Variants in PCDHGA7 observed in about 807,000 individuals in gnomAD.
The protein encoded by PCDHGA7 is protocadherin gamma subfamily A, 7.
PCDHGA7 carries 44 observed loss-of-function variants against 58.3 expected under a neutral mutation model. The observed-to-expected ratio is 0.75, with a 90% CI of 0.59 to 0.97. The LOEUF (loss-of-function observed/expected upper bound fraction) is 0.97, where lower values mean the gene tolerates loss of function less well. Ranked by LOEUF, PCDHGA7 falls within the 50% of genes least tolerant of loss-of-function variation. The pLI is 0.00. For synonymous variants in PCDHGA7, 516 were observed against 504.2 expected, an observed-to-expected ratio of 1.02 and a Z score of -0.31; for missense variants, 1,266 against 1,188.7, an observed-to-expected ratio of 1.06 and a Z score of -0.96.
At chr5:141,402,945 A>T (rs2094324619) in intron 1 of PCDHGA7, 2 of 1,593,720 alleles carry the variant, frequency 1.3e-6, no homozygotes, top group Admixed American at 3.6e-5. Flanking sequence ...TTCCAAAGCG[A>T]GGCAGCAATG....
chr5:141,400,345 A>C lies in PCDHGA7; in HGVS notation c.2424+15022A>C, dbSNP rs757500171. On this transcript the variant is annotated intron_variant, in intron 1 of 3. Transcript: ENST00000518325. ...TGGACCTGTGGTTCCCCCCAACTACAGTCAGGGGACTTTGCCTTATTCCTA... is the reference window on the plus strand; with the variant it reads ...TGGACCTGTGGTTCCCCCCAACTACCGTCAGGGGACTTTGCCTTATTCCTA... 1.9e-6 allele frequency: 3 copies of C among 1,614,040 alleles called. No homozygotes were observed. In the South Asian group the frequency reaches 3.3e-5, roughly 18 times the overall value.
In PCDHGA7 at chr5:141,414,656, C is replaced by A. The variant is rs1409573217; in HGVS notation, c.2424+29333C>A. The A allele has an allele frequency of 1.2e-5, 20 of 1,614,008 alleles. No individual in the cohort carries two copies. Among genetic ancestry groups the A allele is most frequent in the Non-Finnish European group, 1.7e-5 (20 of 1,179,888 alleles). On this transcript the variant is annotated intron_variant, in intron 1 of 3. Transcript: ENST00000518325. ...AAAGAGAATGCCCAGATTATTTACTCCCTGGCTGAAGACACCATCCAGGGG... is the reference window on the plus strand; with the variant it reads ...AAAGAGAATGCCCAGATTATTTACTACCTGGCTGAAGACACCATCCAGGGG...
At chr5:141,471,708 T>G (rs1359785951) in intron 1 of PCDHGA7, among the ~76,000 whole-genome samples, 1 of 152,138 alleles carries the variant, frequency 6.6e-6, no homozygotes, top group Non-Finnish European at 1.5e-5. Context: ...GGAATAGAAG[T>G]GCCACTTACC....
intron 1 of PCDHGA7, among the ~76,000 whole-genome samples, chr5:141,407,809 T>C (rs2094984510): frequency 6.6e-6 from 1 of 152,228 alleles, no homozygotes; most frequent in South Asian, 2.1e-4. Flanking sequence ...TAGAAATATC[T>C]ACTATAATAT....
chr5:141,455,580 T>G (rs572453788), intron 1 of PCDHGA7, among the ~76,000 whole-genome samples: 26 of 152,142 alleles, frequency 1.7e-4, no homozygotes, highest in Middle Eastern at 3.2e-3. Context: ...ACCCCAGCCT[T>G]TTAATATGCA....
intron 1 of PCDHGA7, chr5:141,389,309 T>A (rs763262842): frequency 1.4e-5 from 23 of 1,613,900 alleles, no homozygotes; most frequent in Non-Finnish European, 1.9e-5. Flanking sequence ...TCAGGGCTTC[T>A]GATCCGGACT....
chr5:141,394,850 G>C, intron 1 of PCDHGA7: 1 of 1,613,820 alleles, frequency 6.2e-7, no homozygotes, highest in Non-Finnish European at 8.5e-7. Flanking sequence ...GCAGTCTGAA[G>C]CCTTCGGTCG....
At chr5:141,478,247 G>C (rs1377698933) in intron 1 of PCDHGA7, 1 of 1,613,956 alleles carries the variant, frequency 6.2e-7, no homozygotes, top group Non-Finnish European at 8.5e-7. Context: ...CACAGTGTTC[G>C]GAGTAATCAT....
At chr5:141,397,978 C>G in intron 1 of PCDHGA7, 1 of 1,261,722 alleles carries the variant, frequency 7.9e-7, no homozygotes, top group Non-Finnish European at 1.1e-6. Flanking sequence ...CAGCGCCGGC[C>G]TTTACACCGC....
In PCDHGA7 at chr5:141,410,525, T is replaced by G. The variant is rs6891442; in HGVS notation, c.2424+25202T>G. The G allele has an allele frequency of 1.9e-3, 3,112 of 1,613,920 alleles. 62 individuals are homozygous for G. In the African/African-American group the frequency reaches 0.034, roughly 18 times the overall value. On this transcript the variant is annotated intron_variant, in intron 1 of 3. Transcript: ENST00000518325. ...CCTAAAATGCAGTGTGCCCCTACAT[T>G]CCAATGAAGACATGGTTTGCAGTGT...
chr5:141,444,947 C>G (rs2098452252), intron 1 of PCDHGA7, among the ~76,000 whole-genome samples: 1 of 152,054 alleles, frequency 6.6e-6, no homozygotes, highest in Non-Finnish European at 1.5e-5. Context: ...GGAGGAGGAT[C>G]ATCTTAACAA....
Position 141,418,518 on chromosome 5 carries a change from C to G in PCDHGA7, c.2424+33195C>G. Reference sequence around the variant, plus strand: ...CTGACCGCCTTAGATGGTGGGGACCCTCCCCGAAGCGGTACTGCTCAGATA... The same window carrying G: ...CTGACCGCCTTAGATGGTGGGGACCGTCCCCGAAGCGGTACTGCTCAGATA... On this transcript the variant is annotated intron_variant, in intron 1 of 3. Coordinates refer to ENST00000518325, the MANE Select transcript of PCDHGA7 (RefSeq NM_018920.4). The G allele has an allele frequency of 2.5e-6, 4 of 1,613,986 alleles. 1 individual carries two copies.
chr5:141,461,480 G>A (rs1478939044), intron 1 of PCDHGA7, among the ~76,000 whole-genome samples: 1 of 151,970 alleles, frequency 6.6e-6, no homozygotes, highest in Non-Finnish European at 1.5e-5. Context: ...ACTTTTTAAT[G>A]GGATTGTGTT....
intron 1 of PCDHGA7, chr5:141,413,669 A>C: frequency 6.2e-7 from 1 of 1,613,844 alleles, no homozygotes; most frequent in South Asian, 1.1e-5. Flanking sequence ...ATTGATCCGG[A>C]TGTGGGCGTG....
rs1780458671 is a variant in PCDHGA7 at position 141,384,757 on chromosome 5, G to C, written c.1858G>C (p.Gly620Arg). ...KASEPGLFAV[G>R]LYTGEVRTAR... Reference sequence around the variant, plus strand: ...CAGCGAGCCAGGACTCTTTGCGGTTGGGCTGTACACGGGCGAGGTGCGCAC... The same window carrying C: ...CAGCGAGCCAGGACTCTTTGCGGTTCGGCTGTACACGGGCGAGGTGCGCAC... Residue 620 changes from glycine to arginine, a missense_variant, in exon 1 of 4, where the codon GGG becomes CGG. Transcript: ENST00000518325. 7 of 1,613,872 alleles carry C rather than the reference G, an allele frequency of 4.3e-6. No individual in the cohort carries two copies. The East Asian group carries it at 1.6e-4, about 36-fold the overall frequency.
At chr5:141,467,672 A>T (rs1410623274) in intron 1 of PCDHGA7, among the ~76,000 whole-genome samples, 2 of 151,636 alleles carry the variant, frequency 1.3e-5, no homozygotes, top group Non-Finnish European at 2.9e-5. Context: ...GAAGATTTTT[A>T]TTTTTTTTAG....
At chr5:141,500,295 G>A (rs911106966) in intron 2 of PCDHGA7, among the ~76,000 whole-genome samples, 2 of 151,282 alleles carry the variant, frequency 1.3e-5, no homozygotes, top group African/African-American at 4.9e-5. Flanking sequence ...TGCAAGCTCC[G>A]CCTCCCAGGT....
rs534187376 is a variant in PCDHGA7 at position 141,512,974 on chromosome 5, A to G, written c.*1801A>G. ...AAAATAATAAAACGTTTCTTCTGAA[A>G]AGCTGAACGTTTCTGTATAAGCGAT... is the stretch of plus-strand genomic sequence containing the variant. On this transcript the variant is annotated 3_prime_UTR_variant, in exon 4 of 4. Transcript: ENST00000518325. The G allele has an allele frequency of 6.6e-6, 1 of 152,362 alleles. No individual in the cohort carries two copies. Among genetic ancestry groups the G allele is most frequent in the South Asian group, 2.1e-4 (1 of 4,826 alleles). The allele number at this position is 152,362 out of a possible 1,614,324, so 9.4% of individuals were successfully genotyped here. A position where few individuals can be genotyped will look rare whatever the true frequency, so the allele number is the denominator to read the frequency against.
intron 1 of PCDHGA7, among the ~76,000 whole-genome samples, chr5:141,401,937 T>A (rs531669581): frequency 2.6e-5 from 4 of 152,356 alleles, no homozygotes; most frequent in African/African-American, 7.2e-5. Flanking sequence ...TAGAATAATG[T>A]TTAAGACCAC....
Sources: allele counts gnomAD v4.1 joint callset (sites outside exome capture counted in the v4.1 genomes callset), GRCh38; gene constraint gnomAD v4.1.1; transcripts MANE v1.5; gene names NCBI Gene and HGNC (gene_info 2026-07-23, HGNC 2026-07-21).